Variants in ME3 observed in about 807,000 individuals in gnomAD.
ME3 encodes malic enzyme 3.
In ME3, 48 loss-of-function variants were observed where a neutral mutation model predicts 68.9. The observed-to-expected ratio is 0.70, with a 90% confidence interval of 0.55 to 0.89. The LOEUF is 0.89. Ranked by LOEUF, ME3 falls within the 40% of genes least tolerant of loss-of-function variation. The pLI, the probability that ME3 is intolerant of heterozygous loss-of-function variation, is 0.00. For synonymous variants in ME3, 320 were observed against 318.8 expected (o/e 1.00, Z -0.04); for missense variants, 675 against 797.4 (o/e 0.85, Z 1.85).
chr11:86,610,709 A>G (rs1271240033), intron 2 of ME3, among the ~76,000 whole-genome samples: 2 of 120,444 alleles, frequency 1.7e-5, no homozygotes, highest in Non-Finnish European at 3.4e-5. Context: ...GATTGCTGCA[A>G]TAGGGGGTGG....
At chr11:86,632,146 G>C (rs1046018117) in intron 2 of ME3, among the ~76,000 whole-genome samples, 1 of 152,212 alleles carries the variant, frequency 6.6e-6, no homozygotes, top group African/African-American at 2.4e-5. Flanking sequence ...ACTCTGACCT[G>C]CCTGACTCCA....
At position 86,624,345 on chromosome 11, in the gene ME3, T is replaced by A. The variant is rs182168958; in HGVS notation, c.183+47417A>T. On this transcript the variant is annotated intron_variant, in intron 2 of 14. Transcript: ENST00000543262. Reference sequence around the variant, plus strand: ...TTTAAACCAGCAGAGATTTAGCATTTAGTTTCATTAGCAGTTGCTGTGAAA... The same window carrying A: ...TTTAAACCAGCAGAGATTTAGCATTAAGTTTCATTAGCAGTTGCTGTGAAA... Among the ~76,000 whole-genome samples, 447 of 152,366 alleles carry A rather than the reference T, an allele frequency of 2.9e-3. 2 individuals are homozygous for A. The highest frequency in any genetic ancestry group is 0.011 in the African/African-American group (437 of 41,580).
chr11:86,460,964 T>C (rs11828425), intron 8 of ME3, among the ~76,000 whole-genome samples: 11,652 of 152,276 alleles, frequency 0.077, 497 homozygotes, highest in South Asian at 0.11. Flanking sequence ...AGCTTGTGAC[T>C]GTGGGCCTCA....
intron 7 of ME3, among the ~76,000 whole-genome samples, chr11:86,485,257 G>A (rs1330700478): frequency 1.3e-5 from 2 of 152,172 alleles, no homozygotes; most frequent in East Asian, 3.8e-4. Flanking sequence ...AGACAGAGCA[G>A]TCTCTGAGTC....
chr11:86,528,184 A>G (rs1398193014), intron 4 of ME3, among the ~76,000 whole-genome samples: 1 of 152,230 alleles, frequency 6.6e-6, no homozygotes, highest in Non-Finnish European at 1.5e-5. Context: ...ATGGAAAACA[A>G]AAAAAGGCAG....
At chr11:86,623,721 A>G (rs945476760) in intron 2 of ME3, among the ~76,000 whole-genome samples, 5 of 152,246 alleles carry the variant, frequency 3.3e-5, no homozygotes, top group Non-Finnish European at 7.3e-5. Context: ...AACTTAATCC[A>G]TGGCTCAGTC....
chr11:86,494,394 A>G (rs1294316953), intron 6 of ME3, among the ~76,000 whole-genome samples: 4 of 152,150 alleles, frequency 2.6e-5, no homozygotes, highest in Non-Finnish European at 4.4e-5. Flanking sequence ...CTGGGTTCCA[A>G]TCCCAGCTCT....
At chr11:86,462,526 A>G (rs1050026299) in intron 8 of ME3, 1 of 1,199,748 alleles carries the variant, frequency 8.3e-7, no homozygotes, top group Non-Finnish European at 1.1e-6. Context: ...TGGATAACAG[A>G]GAGGCTGCAG....
intron 13 of ME3, 92 bp from the exon 14 acceptor site, chr11:86,443,011 T>C: frequency 1.0e-6 from 1 of 957,692 alleles, no homozygotes; most frequent in Non-Finnish European, 1.6e-6. Flanking sequence ...CACCCCACCC[T>C]GCATAGTTGG....
chr11:86,651,525 C>G (rs1471155019), intron 2 of ME3, among the ~76,000 whole-genome samples: 4 of 152,240 alleles, frequency 2.6e-5, no homozygotes, highest in African/African-American at 9.6e-5. Flanking sequence ...ACACCTGCAG[C>G]TGAGGGTCCT....
At chr11:86,492,619 C>A (rs1316147174) in intron 6 of ME3, among the ~76,000 whole-genome samples, 1 of 152,166 alleles carries the variant, frequency 6.6e-6, no homozygotes, top group Non-Finnish European at 1.5e-5. Context: ...CCAAGTAAGT[C>A]AATGATTATA....
intron 4 of ME3, among the ~76,000 whole-genome samples, chr11:86,531,882 C>T (rs565644480): frequency 1.1e-4 from 17 of 151,620 alleles, no homozygotes; most frequent in East Asian, 5.8e-4. Flanking sequence ...TATTAAATGA[C>T]GAGTTACTGG....
At chr11:86,607,454 T>TG (rs1414195416) in intron 2 of ME3, among the ~76,000 whole-genome samples, 2 of 68,514 alleles carry the variant, frequency 2.9e-5, no homozygotes, top group East Asian at 8.6e-4. Context: ...GAGGCATAGT[T>TG]TTTTTTTTTT....
rs1177764144 is a variant in ME3 at position 86,653,751 on chromosome 11, T to A, written c.183+18011A>T. On this transcript the variant is annotated intron_variant, in intron 2 of 14. Coordinates refer to ENST00000543262, the Ensembl canonical transcript of ME3. The stretch of plus-strand genomic sequence containing the variant: ...GGCAAGAAATAACTAAGATCAGAGC[T>A]GAACTGAAGGAGAGAGCGACACAAA... Among the ~76,000 whole-genome samples the A allele has an allele frequency of 3.9e-5, 6 of 152,144 alleles. 1 individual carries two copies. Among genetic ancestry groups the A allele is most frequent in the Middle Eastern group, 6.8e-3 (2 of 294 alleles).
At chr11:86,527,978 A>C (rs1244847562) in intron 4 of ME3, among the ~76,000 whole-genome samples, 1 of 152,218 alleles carries the variant, frequency 6.6e-6, no homozygotes, top group East Asian at 1.9e-4. Flanking sequence ...TAACATCATA[A>C]TGACAAGATC....
chr11:86,577,077 G>C, intron 2 of ME3, among the ~76,000 whole-genome samples: 1 of 152,124 alleles, frequency 6.6e-6, no homozygotes, highest in East Asian at 1.9e-4. Flanking sequence ...TCTTTGGGCA[G>C]GATTTCCCCC....
chr11:86,505,146 C>T (rs1952986555), intron 5 of ME3, among the ~76,000 whole-genome samples: 1 of 152,106 alleles, frequency 6.6e-6, no homozygotes. Context: ...AGACTCCCTA[C>T]CTAGGTAGGG....
chr11:86,487,518 T>C, intron 6 of ME3, 78 bp from the exon 7 acceptor site: 2 of 1,169,000 alleles, frequency 1.7e-6, no homozygotes, highest in Non-Finnish European at 2.5e-6. Context: ...TATCCAGGAT[T>C]ATTAGGAAGA....
intron 6 of ME3, among the ~76,000 whole-genome samples, chr11:86,490,191 C>G (rs1015481956): frequency 6.6e-6 from 1 of 152,084 alleles, no homozygotes; most frequent in Non-Finnish European, 1.5e-5. Context: ...ATCTGTTAAC[C>G]CTTCACCCCA....
Sources: allele counts gnomAD v4.1 joint callset (sites outside exome capture counted in the v4.1 genomes callset), GRCh38; gene constraint gnomAD v4.1.1; transcripts MANE v1.5; gene names NCBI Gene and HGNC (gene_info 2026-07-23, HGNC 2026-07-21).